The following NCKAP5 variants were observed in gnomAD, a reference collection of about 807,000 sequenced individuals.
The protein encoded by NCKAP5 is nck-associated protein 5.
Under a neutral mutation model 167.0 loss-of-function variants are expected in NCKAP5, and 92 were observed. The ratio of observed to expected loss-of-function variants is 0.55; its 90% CI spans 0.47 to 0.66. The LOEUF (loss-of-function observed/expected upper bound fraction) is 0.66, where lower values mean the gene tolerates loss of function less well. Ranked by LOEUF, NCKAP5 falls within the 30% of genes least tolerant of loss-of-function variation. NCKAP5 has a pLI of 0.00. For missense variants in NCKAP5, 2,378 were observed against 2,315.0 expected (o/e 1.03, Z -0.56); for synonymous variants, 891 against 877.4 (o/e 1.02, Z -0.27).
At chr2:133,160,544 G>A (rs1273336378) in intron 5 of NCKAP5, among the ~76,000 whole-genome samples, 1 of 150,872 alleles carries the variant, frequency 6.6e-6, no homozygotes, top group Non-Finnish European at 1.5e-5. Context: ...CATATTCTGA[G>A]GTACTGGGGA....
the NCKAP5 span, among the ~76,000 whole-genome samples, chr2:133,575,678 G>T: frequency 6.6e-6 from 1 of 152,198 alleles, no homozygotes; most frequent in Non-Finnish European, 1.5e-5. Context: ...TCCATAAACA[G>T]CTCAGAGGGT....
At chr2:133,004,745 G>A (rs1186881564) in intron 6 of NCKAP5, among the ~76,000 whole-genome samples, 3 of 152,068 alleles carry the variant, frequency 2.0e-5, no homozygotes, top group African/African-American at 4.8e-5. Flanking sequence ...GCTAGAATTC[G>A]CCAGGCTGGA....
intron 11 of NCKAP5, among the ~76,000 whole-genome samples, chr2:132,852,294 A>G (rs1345012483): frequency 6.6e-6 from 1 of 152,190 alleles, no homozygotes; most frequent in Non-Finnish European, 1.5e-5. Context: ...TACAGGGTGC[A>G]TTTTGTGAAT....
At chr2:133,419,625 T>A (rs1319848337) in intron 3 of NCKAP5, among the ~76,000 whole-genome samples, 1 of 152,186 alleles carries the variant, frequency 6.6e-6, no homozygotes, top group South Asian at 2.1e-4. Flanking sequence ...GATGAAGCCA[T>A]AGGTGATTTA....
chr2:133,165,527 G>A (rs559363817), intron 5 of NCKAP5, among the ~76,000 whole-genome samples: 1 of 152,282 alleles, frequency 6.6e-6, no homozygotes, highest in South Asian at 2.1e-4. Context: ...CTACAGTTGC[G>A]TGTGTCAAGA....
chr2:133,133,573 G>A (rs1201654899), intron 5 of NCKAP5, among the ~76,000 whole-genome samples: 4 of 152,162 alleles, frequency 2.6e-5, no homozygotes, highest in African/African-American at 9.7e-5. Context: ...TTACAGAGGT[G>A]AGCTTTGTTA....
At chr2:133,549,634 G>C (rs1341577322) in intron 2 of NCKAP5, among the ~76,000 whole-genome samples, 1 of 142,980 alleles carries the variant, frequency 7.0e-6, no homozygotes, top group Non-Finnish European at 1.5e-5. Context: ...ATGCCCACAA[G>C]AGAAAGCAGG....
In NCKAP5 at chr2:133,367,360, G is replaced by A. The variant is rs527939528; in HGVS notation, c.70-64250C>T. Among the ~76,000 whole-genome samples, 15 of 152,316 alleles carry A rather than the reference G, an allele frequency of 9.8e-5. No homozygotes were observed. The South Asian group carries it at 3.1e-3, about 32-fold the overall frequency. ...GCTCTGGGCTTCCCCTCCAGTGAGA[G>A]TGACTTGAATTTCATCTCAGCCACA... On this transcript the variant is annotated intron_variant, in intron 3 of 19. Transcript: ENST00000409261.
chr2:133,432,465 C>T (rs778422794), intron 3 of NCKAP5, among the ~76,000 whole-genome samples: 7 of 152,170 alleles, frequency 4.6e-5, no homozygotes, highest in Non-Finnish European at 7.4e-5. Context: ...CACCCAAATG[C>T]TCCCAGTGCC....
chr2:133,348,871 G>A (rs1328865938), intron 3 of NCKAP5, among the ~76,000 whole-genome samples: 1 of 152,096 alleles, frequency 6.6e-6, no homozygotes, highest in Non-Finnish European at 1.5e-5. Flanking sequence ...CTGAAGTTTA[G>A]AAAATTCCCA....
At chr2:133,647,738 A>AAGGAAGGAAGGAAGGT in the NCKAP5 span, among the ~76,000 whole-genome samples, 1 of 146,702 alleles carries the variant, frequency 6.8e-6, no homozygotes, top group South Asian at 2.2e-4. Flanking sequence ...GGAAGGAAGG[A>AAGGAAGGAAGGAAGGT]AGGAAGGAAG....
chr2:133,655,308 A>T, the NCKAP5 span, among the ~76,000 whole-genome samples: 1 of 152,194 alleles, frequency 6.6e-6, no homozygotes, highest in Non-Finnish European at 1.5e-5. Flanking sequence ...AATCAATATA[A>T]GCCTTAAGGC....
chr2:133,364,862 C>A (rs551253324), intron 3 of NCKAP5, among the ~76,000 whole-genome samples: 1 of 152,012 alleles, frequency 6.6e-6, no homozygotes, highest in South Asian at 2.1e-4. Context: ...TCAAGCAATG[C>A]ACCTCAGCCT....
At chr2:133,096,303 C>T (rs2081342234) in intron 6 of NCKAP5, among the ~76,000 whole-genome samples, 1 of 151,988 alleles carries the variant, frequency 6.6e-6, no homozygotes, top group South Asian at 2.1e-4. Flanking sequence ...CCAGCCTAAC[C>T]AACATGGCAA....
chr2:133,373,492 C>T (rs1685939528), intron 3 of NCKAP5, among the ~76,000 whole-genome samples: 1 of 152,194 alleles, frequency 6.6e-6, no homozygotes, highest in Admixed American at 6.5e-5. Context: ...TTCTTTCAAA[C>T]CTGATTCACA....
chr2:132,744,308 G>A (rs373994176), intron 16 of NCKAP5, among the ~76,000 whole-genome samples: 14 of 151,456 alleles, frequency 9.2e-5, no homozygotes, highest in East Asian at 1.9e-4. Flanking sequence ...TAAAATCACC[G>A]AAGCCATGGA....
rs762300580 is a variant in NCKAP5, at chr2:132,784,149, G to T, written c.2662C>A (p.Pro888Thr). ...MPSRRDWVQC[P>T]KSQTPGSRSR... Reference sequence around the variant, plus strand: ...CGTGACCCTGGAGTCTGACTCTTGGGGCACTGGACCCAGTCCCTCCTGCTG... The same window carrying T: ...CGTGACCCTGGAGTCTGACTCTTGGTGCACTGGACCCAGTCCCTCCTGCTG... The change falls in exon 14 of 20, where the codon CCC becomes ACC. Residue 888 changes from proline (P) to threonine (T), a missense_variant. Transcript: ENST00000409261. 6.5e-7 allele frequency: 1 copy of T among 1,526,946 alleles called. No homozygotes were observed. The highest frequency in any genetic ancestry group is 8.8e-7 in the Non-Finnish European group (1 of 1,140,288). The allele number at this position is 1,526,946 out of a possible 1,614,324, so 94.6% of individuals were successfully genotyped here. A position where few individuals can be genotyped will look rare whatever the true frequency, so the allele number is the denominator to read the frequency against.
chr2:133,249,968 G>T (rs1460944669), intron 4 of NCKAP5, among the ~76,000 whole-genome samples: 1 of 149,058 alleles, frequency 6.7e-6, no homozygotes, highest in African/African-American at 2.5e-5. Context: ...AGACAGAAAA[G>T]GCAGAACATG....
chr2:133,034,094 G>A (rs557097938), intron 6 of NCKAP5, among the ~76,000 whole-genome samples: 48 of 152,132 alleles, frequency 3.2e-4, no homozygotes, highest in Admixed American at 3.1e-3. Flanking sequence ...TAAGGCCAAG[G>A]ATAAAGAAAG....
Sources: allele counts gnomAD v4.1 joint callset (sites outside exome capture counted in the v4.1 genomes callset), GRCh38; gene constraint gnomAD v4.1.1; transcripts MANE v1.5; gene names NCBI Gene and HGNC (gene_info 2026-07-23, HGNC 2026-07-21).